Variants in CALN1 observed in about 807,000 individuals in gnomAD.
CALN1 encodes calneuron 1.
Under a neutral mutation model 30.6 loss-of-function variants are expected in CALN1, and 17 were observed. The ratio of observed to expected loss-of-function variants is 0.56; its 90% CI spans 0.38 to 0.83. The LOEUF (loss-of-function observed/expected upper bound fraction) is 0.83, where lower values mean the gene tolerates loss of function less well. Among genes scored for constraint, CALN1 ranks in the 40% least tolerant of loss-of-function variants. CALN1 has a pLI of 0.00. For missense variants in CALN1, 291 were observed against 354.9 expected, an observed-to-expected ratio of 0.82 and a Z score of 1.45; for synonymous variants, 156 against 131.4, an observed-to-expected ratio of 1.19 and a Z score of -1.28.
At chr7:72,082,517 G>A (rs1805215771) in intron 4 of CALN1, among the ~76,000 whole-genome samples, 2 of 152,158 alleles carry the variant, frequency 1.3e-5, no homozygotes, top group South Asian at 4.2e-4. Context: ...CAGAATGGAA[G>A]GAGACCTCCT....
intron 2 of CALN1, among the ~76,000 whole-genome samples, chr7:72,396,433 A>C (rs1805961913): frequency 1.3e-5 from 2 of 151,104 alleles, no homozygotes; most frequent in Non-Finnish European, 2.9e-5. Context: ...AAAAAAAAAA[A>C]AAAAGGAAAC....
At chr7:71,873,548 G>A (rs1443930963) in intron 5 of CALN1, among the ~76,000 whole-genome samples, 1 of 152,154 alleles carries the variant, frequency 6.6e-6, no homozygotes, top group Non-Finnish European at 1.5e-5. Flanking sequence ...CAAAAGCGTA[G>A]TGCATAAATC....
intron 2 of CALN1, among the ~76,000 whole-genome samples, chr7:72,345,419 G>GAAA (rs1802591771): frequency 1.5e-5 from 2 of 137,018 alleles, no homozygotes; most frequent in Non-Finnish European, 3.2e-5. Flanking sequence ...AGAAGAGAAA[G>GAAA]GAAAGAAAGG....
intron 2 of CALN1, among the ~76,000 whole-genome samples, chr7:72,393,148 T>C (rs1805685147): frequency 6.6e-6 from 1 of 152,138 alleles, no homozygotes; most frequent in Non-Finnish European, 1.5e-5. Context: ...AGAACCATCT[T>C]TAAAGTCCAA....
At chr7:72,362,375 C>T (rs1247127459) in intron 2 of CALN1, among the ~76,000 whole-genome samples, 1 of 152,036 alleles carries the variant, frequency 6.6e-6, no homozygotes, top group African/African-American at 2.4e-5. Context: ...AGTCTGTTGA[C>T]TTCTCTCCAT....
chr7:72,153,522 A>T (rs988729451), intron 3 of CALN1, among the ~76,000 whole-genome samples: 6 of 44,220 alleles, frequency 1.4e-4, no homozygotes, highest in Admixed American at 5.1e-4. Context: ...CTACAAAATT[A>T]AAAAAAAAAA....
chr7:72,204,077 C>T (rs1264161282), intron 3 of CALN1, among the ~76,000 whole-genome samples: 3 of 146,852 alleles, frequency 2.0e-5, no homozygotes, highest in Non-Finnish European at 4.4e-5. Flanking sequence ...CTGCAAGCTC[C>T]ACCTCCCGGG....
rs1331107130 is a variant in CALN1, at chr7:72,342,080, A to AC, written c.119+61170dup. On this transcript the variant is annotated intron_variant, in intron 2 of 6. Transcript: ENST00000395275. ...CAGCCAGCCTGGGCAACATAGGGAG[A>AC]CCCCATCTCTACAAAAAATGATTTG... Among the ~76,000 whole-genome samples the AC allele has an allele frequency of 4.0e-5, 6 of 151,818 alleles. No homozygotes were observed. The East Asian group carries it at 1.2e-3, about 29-fold the overall frequency.
intron 2 of CALN1, among the ~76,000 whole-genome samples, chr7:72,371,599 C>A (rs1585602548): frequency 6.6e-6 from 1 of 152,162 alleles, no homozygotes; most frequent in East Asian, 1.9e-4. Context: ...AGTCAGTTAA[C>A]CTCTTTACTT....
chr7:72,092,319 T>C (rs1026837564), intron 4 of CALN1, among the ~76,000 whole-genome samples: 4 of 152,160 alleles, frequency 2.6e-5, no homozygotes, highest in African/African-American at 7.2e-5. Flanking sequence ...ACTTGTTCTT[T>C]ACGATTTAAT....
At chr7:72,218,032 C>T (rs897878273) in intron 3 of CALN1, among the ~76,000 whole-genome samples, 17 of 150,968 alleles carry the variant, frequency 1.1e-4, no homozygotes, top group Middle Eastern at 6.8e-3. Context: ...TTAGTAGAGA[C>T]GGGGTTTCAA....
chr7:72,500,161 C>T, the CALN1 span, among the ~76,000 whole-genome samples: 2 of 150,972 alleles, frequency 1.3e-5, no homozygotes, highest in South Asian at 2.1e-4. Flanking sequence ...ATCCACCCAC[C>T]CCAGCCTCCC....
At chr7:72,215,203 T>C (rs943076232) in intron 3 of CALN1, among the ~76,000 whole-genome samples, 21 of 152,182 alleles carry the variant, frequency 1.4e-4, no homozygotes, top group Non-Finnish European at 2.4e-4. Flanking sequence ...AAGATGAGGA[T>C]TGCAGATGTG....
chr7:72,280,375 T>C (rs951010644), intron 2 of CALN1, among the ~76,000 whole-genome samples: 1 of 152,130 alleles, frequency 6.6e-6, no homozygotes, highest in Admixed American at 6.5e-5. Flanking sequence ...CACAGAACAA[T>C]TGCAAATGGC....
rs571704563 is a variant in CALN1 at position 71,933,379 on chromosome 7, C to T, written c.501+90278G>A. ...CCTGCTTATAAAATCTGGTGAACGC[C>T]GCCGCCGGCTGGTCTTTCCTTTCGG... On this transcript the variant is annotated intron_variant, in intron 5 of 6. Transcript: ENST00000395275. Among the ~76,000 whole-genome samples the T allele has an allele frequency of 9.9e-5, 15 of 152,124 alleles. No homozygotes were observed. The East Asian group carries it at 2.0e-3, about 20-fold the overall frequency.
intron 3 of CALN1, among the ~76,000 whole-genome samples, chr7:72,220,544 T>C (rs1326742653): frequency 6.6e-6 from 1 of 152,162 alleles, no homozygotes; most frequent in African/African-American, 2.4e-5. Flanking sequence ...TTATAATCCT[T>C]TGGGTATATA....
At chr7:71,927,149 G>T (rs1386085023) in intron 5 of CALN1, among the ~76,000 whole-genome samples, 1 of 152,176 alleles carries the variant, frequency 6.6e-6, no homozygotes. Flanking sequence ...TACTGGAATT[G>T]ATCTGGGTTT....
the CALN1 span, among the ~76,000 whole-genome samples, chr7:72,500,261 C>T: frequency 5.2e-5 from 5 of 96,052 alleles, no homozygotes; most frequent in East Asian, 3.3e-4. Context: ...AACTTCTGTT[C>T]GTTCCTTCTT....
intron 5 of CALN1, among the ~76,000 whole-genome samples, chr7:71,892,348 G>T (rs1449494023): frequency 6.6e-6 from 1 of 151,908 alleles, no homozygotes; most frequent in East Asian, 1.9e-4. Flanking sequence ...ATAAAATAAA[G>T]ATCCAGGGCC....
Sources: allele counts gnomAD v4.1 joint callset (sites outside exome capture counted in the v4.1 genomes callset), GRCh38; gene constraint gnomAD v4.1.1; transcripts MANE v1.5; gene names NCBI Gene and HGNC (gene_info 2026-07-23, HGNC 2026-07-21).